Variants in NRG1 observed in about 807,000 individuals in gnomAD.
The protein encoded by NRG1 is pro-neuregulin-1, membrane-bound isoform.
Under a neutral mutation model 63.8 loss-of-function variants are expected in NRG1, and 18 were observed. The observed-to-expected ratio is 0.28, with a 90% confidence interval of 0.19 to 0.42. The LOEUF is 0.42. Ranked by LOEUF, NRG1 falls within the 10% of genes least tolerant of loss-of-function variation. The pLI, the probability that NRG1 is intolerant of heterozygous loss-of-function variation, is 1.00. For missense variants in NRG1, 762 were observed against 814.7 expected, an observed-to-expected ratio of 0.94 and a Z score of 0.79; for synonymous variants, 302 against 301.3, an observed-to-expected ratio of 1.00 and a Z score of -0.02.
rs1044757766 is a variant in NRG1, at chr8:32,723,712, A to C, written c.503-4237A>C. On this transcript the variant is annotated intron_variant, in intron 5 of 11. Transcript: ENST00000356819. ...TCAAAAAAAAAAAAAAAAAAAAAAA[A>C]AAAAAACAATTGTGGAAGGAGGTGA... Among the ~76,000 whole-genome samples the C allele has an allele frequency of 5.6e-3, 830 of 147,516 alleles. 3 individuals are homozygous for C. Among genetic ancestry groups the C allele is most frequent in the Non-Finnish European group, 9.8e-3 (651 of 66,646 alleles).
chr8:32,299,246 T>C (rs1243652626), intron 1 of NRG1, among the ~76,000 whole-genome samples: 1 of 152,080 alleles, frequency 6.6e-6, no homozygotes, highest in Admixed American at 6.6e-5. Context: ...GAGCCATTGT[T>C]TCCCTAAGAA....
intron 1 of NRG1, among the ~76,000 whole-genome samples, chr8:32,508,166 G>C (rs1326812166): frequency 3.9e-5 from 6 of 152,216 alleles, no homozygotes. Flanking sequence ...AACTACTCAG[G>C]AAGCTGAGGT....
chr8:32,673,352 G>A lies in NRG1; in HGVS notation c.503-54597G>A, dbSNP rs116727527. On this transcript the variant is annotated intron_variant, in intron 5 of 11. Coordinates refer to ENST00000356819, the Ensembl canonical transcript of NRG1. ...TTTATCACTTAAAGCACCTCTAAGTGTAGAAATAGAATCATAGAACCTCAT... is the reference window on the plus strand; with the variant it reads ...TTTATCACTTAAAGCACCTCTAAGTATAGAAATAGAATCATAGAACCTCAT... Among the ~76,000 whole-genome samples, 497 of 152,248 alleles carry A rather than the reference G, an allele frequency of 3.3e-3. 4 individuals carry two copies. The highest frequency in any genetic ancestry group is 0.011 in the African/African-American group (477 of 41,548).
intron 1 of NRG1, among the ~76,000 whole-genome samples, chr8:32,418,786 G>A (rs1339016749): frequency 2.0e-5 from 3 of 152,082 alleles, no homozygotes; most frequent in Non-Finnish European, 4.4e-5. Context: ...CTCTAAGATT[G>A]TTCTTAAAAC....
chr8:31,884,438 C>T (rs1174619826), intron 1 of NRG1, among the ~76,000 whole-genome samples: 1 of 152,076 alleles, frequency 6.6e-6, no homozygotes, highest in African/African-American at 2.4e-5. Flanking sequence ...GGCCATGCAG[C>T]CTGATCTCAG....
At chr8:31,903,250 G>A (rs964919452) in intron 1 of NRG1, among the ~76,000 whole-genome samples, 3 of 148,560 alleles carry the variant, frequency 2.0e-5, no homozygotes, top group Non-Finnish European at 4.4e-5. Flanking sequence ...CCGGGTTCAC[G>A]CCATTCTCCT....
chr8:32,273,359 A>T (rs1851746578), intron 1 of NRG1, among the ~76,000 whole-genome samples: 1 of 152,204 alleles, frequency 6.6e-6, no homozygotes, highest in Admixed American at 6.5e-5. Context: ...AAAAACAATC[A>T]AAAAGGAAAA....
At chr8:32,095,221 T>G (rs2131309116) in intron 1 of NRG1, among the ~76,000 whole-genome samples, 1 of 152,272 alleles carries the variant, frequency 6.6e-6, no homozygotes, top group East Asian at 1.9e-4. Flanking sequence ...TTTTCAGCAT[T>G]TTTTGATGTC....
At chr8:31,745,360 T>A (rs1456313477) in intron 1 of NRG1, among the ~76,000 whole-genome samples, 1 of 151,862 alleles carries the variant, frequency 6.6e-6, no homozygotes, top group Admixed American at 6.6e-5. Flanking sequence ...AATGGCAGGA[T>A]ATAGGAGTCG....
At chr8:31,967,931 A>G (rs1010539299) in intron 1 of NRG1, among the ~76,000 whole-genome samples, 3 of 152,286 alleles carry the variant, frequency 2.0e-5, no homozygotes, top group South Asian at 2.1e-4. Flanking sequence ...TGAAAAAAAT[A>G]CTGGTACAGC....
chr8:32,290,556 G>C (rs1854072716), intron 1 of NRG1, among the ~76,000 whole-genome samples: 1 of 151,994 alleles, frequency 6.6e-6, no homozygotes, highest in Non-Finnish European at 1.5e-5. Context: ...TCCTGAATGA[G>C]AACTGGGTTC....
intron 1 of NRG1, among the ~76,000 whole-genome samples, chr8:32,041,501 C>T (rs1434803067): frequency 6.6e-6 from 1 of 152,152 alleles, no homozygotes; most frequent in Non-Finnish European, 1.5e-5. Context: ...GTGAGTTTAC[C>T]ATGTTTATCC....
intron 1 of NRG1, among the ~76,000 whole-genome samples, chr8:31,980,548 C>T (rs1043808300): frequency 1.2e-4 from 19 of 152,150 alleles, no homozygotes; most frequent in African/African-American, 3.8e-4. Context: ...TATATATCTG[C>T]AACCAAAGTA....
At chr8:32,640,964 A>AAAT (rs915319016) in intron 5 of NRG1, among the ~76,000 whole-genome samples, 5 of 151,188 alleles carry the variant, frequency 3.3e-5, no homozygotes, top group Non-Finnish European at 7.4e-5. Context: ...TGCCTCTACA[A>AAAT]AATAATAATA....
chr8:32,592,494 G>T (rs1842703276), intron 1 of NRG1, among the ~76,000 whole-genome samples: 1 of 151,996 alleles, frequency 6.6e-6, no homozygotes, highest in African/African-American at 2.4e-5. Flanking sequence ...TACTTCAGTT[G>T]TTTTATAGAA....
At chr8:31,855,380 C>G (rs1827746062) in intron 1 of NRG1, among the ~76,000 whole-genome samples, 1 of 152,014 alleles carries the variant, frequency 6.6e-6, no homozygotes, top group Admixed American at 6.6e-5. Flanking sequence ...CCTTCTTTGT[C>G]TCTTTTGATC....
chr8:32,192,636 G>A (rs1269581572), intron 1 of NRG1, among the ~76,000 whole-genome samples: 1 of 152,042 alleles, frequency 6.6e-6, no homozygotes, highest in Non-Finnish European at 1.5e-5. Context: ...TGGGTACCAT[G>A]CTCGGTAGTT....
rs181678118 is a variant in NRG1, at chr8:32,337,888, T to G, written c.38-257940T>G. Among the ~76,000 whole-genome samples the G allele has an allele frequency of 3.3e-5, 5 of 152,216 alleles. No homozygotes were observed. The East Asian group carries it at 9.7e-4, about 29-fold the overall frequency. On this transcript the variant is annotated intron_variant, in intron 1 of 10. Transcript: ENST00000519301. ...GAAGATTTAGGAAAGGAGATTGAAA[T>G]GACTTATGTGGGGTCACAGAACTAG... is the stretch of plus-strand genomic sequence containing the variant.
chr8:32,172,279 G>A (rs1207752221), intron 1 of NRG1, among the ~76,000 whole-genome samples: 1 of 152,208 alleles, frequency 6.6e-6, no homozygotes, highest in Admixed American at 6.5e-5. Context: ...ACCTGCAGCT[G>A]TGGGTCCTGA....
Sources: gnomAD v4.1 joint callset for allele counts (sites outside exome capture counted in the v4.1 genomes callset) on GRCh38, gnomAD v4.1.1 for gene constraint, MANE v1.5 for transcripts, NCBI Gene and HGNC (gene_info 2026-07-23, HGNC 2026-07-21) for gene names.